Variants in MACROD2 observed in about 807,000 individuals in gnomAD.
The protein encoded by MACROD2 is ADP-ribose glycohydrolase MACROD2.
MACROD2 carries 36 observed loss-of-function variants against 70.4 expected under a neutral mutation model. That is an observed-to-expected ratio of 0.51 (90% CI 0.39 to 0.68). The LOEUF (loss-of-function observed/expected upper bound fraction) is 0.68. MACROD2 is among the 30% of genes least tolerant of loss of function. MACROD2 has a pLI of 0.00. For missense variants in MACROD2, 496 were observed against 538.4 expected (o/e 0.92, Z 0.78); for synonymous variants, 172 against 178.8 (o/e 0.96, Z 0.30).
chr20:14,199,300 A>G (rs1376397037), intron 3 of MACROD2, among the ~76,000 whole-genome samples: 1 of 152,220 alleles, frequency 6.6e-6, no homozygotes, highest in African/African-American at 2.4e-5. Context: ...AGCTTTTGCT[A>G]GAAAACCTGG....
At chr20:15,165,912 A>C (rs2145880663) in intron 5 of MACROD2, among the ~76,000 whole-genome samples, 1 of 152,324 alleles carries the variant, frequency 6.6e-6, no homozygotes, top group Middle Eastern at 3.4e-3. Context: ...TGGTAAATGC[A>C]ATGAAAAGGA....
intron 6 of MACROD2, among the ~76,000 whole-genome samples, chr20:15,287,867 A>G (rs1259494650): frequency 6.6e-6 from 1 of 152,220 alleles, no homozygotes; most frequent in Non-Finnish European, 1.5e-5. Flanking sequence ...TACACTACTA[A>G]TCTTCCATCT....
intron 6 of MACROD2, among the ~76,000 whole-genome samples, chr20:15,250,412 T>A (rs1472743481): frequency 6.6e-6 from 1 of 152,226 alleles, no homozygotes; most frequent in Non-Finnish European, 1.5e-5. Flanking sequence ...AGACGTTGCA[T>A]TCGCTTTGAC....
At chr20:14,726,237 A>T (rs909132929) in intron 5 of MACROD2, among the ~76,000 whole-genome samples, 2 of 152,156 alleles carry the variant, frequency 1.3e-5, no homozygotes, top group Non-Finnish European at 2.9e-5. Flanking sequence ...ATTAAATGTG[A>T]CACCATCAAA....
At chr20:14,959,101 G>C (rs1206647913) in intron 5 of MACROD2, among the ~76,000 whole-genome samples, 1 of 151,956 alleles carries the variant, frequency 6.6e-6, no homozygotes, top group Non-Finnish European at 1.5e-5. Context: ...GATTCTTCTG[G>C]TGCCCCTGAA....
chr20:13,998,422 A>G (rs1413194530), intron 1 of MACROD2, among the ~76,000 whole-genome samples: 3 of 152,136 alleles, frequency 2.0e-5, no homozygotes, highest in East Asian at 1.9e-4. Context: ...GCATTTCTGT[A>G]TGTACCTTTT....
chr20:15,128,488 C>G (rs2076082497), intron 5 of MACROD2, among the ~76,000 whole-genome samples: 1 of 152,010 alleles, frequency 6.6e-6, no homozygotes, highest in South Asian at 2.1e-4. Context: ...CTTCCCATCA[C>G]ACAAACAATA....
chr20:14,680,945 C>G (rs1399663559), intron 4 of MACROD2, among the ~76,000 whole-genome samples: 2 of 152,090 alleles, frequency 1.3e-5, no homozygotes, highest in East Asian at 3.8e-4. Context: ...AGATTTATCA[C>G]AACTCAGTAA....
At chr20:14,004,871 G>A (rs1379756120) in intron 2 of MACROD2, among the ~76,000 whole-genome samples, 1 of 152,014 alleles carries the variant, frequency 6.6e-6, no homozygotes, top group East Asian at 1.9e-4. Context: ...TATCGGGTTA[G>A]AACAGTATAT....
intron 5 of MACROD2, among the ~76,000 whole-genome samples, chr20:15,130,047 A>T (rs1315479666): frequency 6.6e-6 from 1 of 152,114 alleles, no homozygotes; most frequent in Non-Finnish European, 1.5e-5. Context: ...TACGATGAAC[A>T]TTAAACAGTG....
chr20:14,489,007 G>T (rs1035293368), intron 3 of MACROD2, among the ~76,000 whole-genome samples: 2 of 152,106 alleles, frequency 1.3e-5, no homozygotes, highest in African/African-American at 4.8e-5. Flanking sequence ...AGGGGTCATT[G>T]TATTCTATTT....
At chr20:15,139,226 A>G (rs1296109599) in intron 5 of MACROD2, among the ~76,000 whole-genome samples, 2 of 152,204 alleles carry the variant, frequency 1.3e-5, no homozygotes, top group Non-Finnish European at 2.9e-5. Flanking sequence ...TATGAGGAAA[A>G]CAATGAACAT....
At chr20:14,265,216 C>G (rs1340666354) in intron 3 of MACROD2, among the ~76,000 whole-genome samples, 1 of 152,202 alleles carries the variant, frequency 6.6e-6, no homozygotes, top group Admixed American at 6.5e-5. Context: ...CCAAGTATCA[C>G]AGTGAACAGA....
intron 6 of MACROD2, among the ~76,000 whole-genome samples, chr20:15,313,229 G>A (rs749471183): frequency 3.3e-5 from 5 of 152,024 alleles, no homozygotes; most frequent in African/African-American, 7.2e-5. Flanking sequence ...ATATGCGGCC[G>A]TGTGCGGTGG....
intron 15 of MACROD2, among the ~76,000 whole-genome samples, chr20:16,001,858 AGG>A (rs202182271): frequency 2.0e-5 from 3 of 152,186 alleles, no homozygotes; most frequent in Non-Finnish European, 4.4e-5. Flanking sequence ...TTTCAATGTA[AGG>A]GAGTACTTTT....
rs199851966 is a variant in MACROD2, at chr20:15,088,457, T to TTG, written c.419-141467_419-141466dup. ...TATATATATATATATATATAATATT[T>TTG]TGTGTGTGTGTGTGTGTTGCTTTAA... On this transcript the variant is annotated intron_variant, in intron 5 of 17. Transcript: ENST00000684519. 3.3e-3 allele frequency among the ~76,000 whole-genome samples: 408 copies of TTG among 123,482 alleles called. 6 individuals are homozygous for TTG. The highest frequency in any genetic ancestry group is 8.3e-3 in the Middle Eastern group (2 of 242). 81.0% of individuals were successfully genotyped at this position (123,482 alleles called of 152,430 possible). A position where few individuals can be genotyped will look rare whatever the true frequency, so the allele number is the denominator to read the frequency against.
chr20:14,964,595 A>AT (rs1307519009), intron 5 of MACROD2, among the ~76,000 whole-genome samples: 14 of 152,154 alleles, frequency 9.2e-5, no homozygotes, highest in African/African-American at 2.4e-4. Flanking sequence ...AAAATAAAAA[A>AT]AAAATAAAGA....
In MACROD2 at chr20:14,736,556, A is replaced by C. The variant is rs987863516; in HGVS notation, c.418+51597A>C. ...AACCAAACATCCTTCATGTATTTAC[A>C]TGAAGTATCTCCACAACAACAGTGA... On this transcript the variant is annotated intron_variant, in intron 5 of 17. Coordinates refer to ENST00000684519, the MANE Select transcript of MACROD2 (RefSeq NM_001351661.2). 3.3e-5 allele frequency among the ~76,000 whole-genome samples: 5 copies of C among 152,216 alleles called. No homozygotes were observed. In the East Asian group the frequency reaches 9.6e-4, roughly 29 times the overall value.
chr20:14,464,099 A>C (rs1459437661), intron 3 of MACROD2, among the ~76,000 whole-genome samples: 2 of 152,070 alleles, frequency 1.3e-5, no homozygotes, highest in Non-Finnish European at 2.9e-5. Flanking sequence ...GAATAGTTTC[A>C]GAAGGAATGG....
Sources: gnomAD v4.1 joint callset for allele counts (sites outside exome capture counted in the v4.1 genomes callset) on GRCh38, gnomAD v4.1.1 for gene constraint, MANE v1.5 for transcripts, NCBI Gene and HGNC (gene_info 2026-07-23, HGNC 2026-07-21) for gene names.